The following CFAP299 variants were observed in gnomAD, a reference collection of about 807,000 sequenced individuals.
CFAP299 encodes the protein cilia- and flagella-associated protein 299.
Under a neutral mutation model 27.0 loss-of-function variants are expected in CFAP299, and 21 were observed. That is an observed-to-expected ratio of 0.78 (90% CI 0.55 to 1.12). CFAP299 has a LOEUF of 1.12. CFAP299 is among the 50% of genes most tolerant of loss of function. CFAP299 has a pLI of 0.00. For missense variants in CFAP299, 310 were observed against 276.6 expected (o/e 1.12, Z -0.86); for synonymous variants, 104 against 98.1 (o/e 1.06, Z -0.36).
At chr4:80,845,293 T>TTTTTTC (rs201846435) in intron 3 of CFAP299, among the ~76,000 whole-genome samples, 6 of 150,810 alleles carry the variant, frequency 4.0e-5, no homozygotes, top group African/African-American at 1.5e-4. Flanking sequence ...TTTTTTTTTT[T>TTTTTTC]AAAAGACCGT....
chr4:80,709,558 T>A (rs146571483), intron 3 of CFAP299, among the ~76,000 whole-genome samples: 1 of 152,302 alleles, frequency 6.6e-6, no homozygotes, highest in Non-Finnish European at 1.5e-5. Flanking sequence ...GGAGTTCAGA[T>A]GCTGGACAAT....
chr4:80,838,191 T>A (rs1338742515), intron 3 of CFAP299, among the ~76,000 whole-genome samples: 1 of 152,090 alleles, frequency 6.6e-6, no homozygotes, highest in Non-Finnish European at 1.5e-5. Context: ...GATTGCAAAA[T>A]TTTTCTCCCA....
intron 5 of CFAP299, among the ~76,000 whole-genome samples, chr4:80,962,219 G>T (rs890052390): frequency 6.6e-6 from 1 of 151,880 alleles, no homozygotes; most frequent in Non-Finnish European, 1.5e-5. Context: ...CTCTCATGCA[G>T]CTATAACATA....
chr4:80,767,315 A>G (rs549953067), intron 3 of CFAP299, among the ~76,000 whole-genome samples: 12 of 152,300 alleles, frequency 7.9e-5, no homozygotes, highest in Non-Finnish European at 1.6e-4. Flanking sequence ...TCTCCTCAAA[A>G]TACCTGGTAC....
the CFAP299 span, among the ~76,000 whole-genome samples, chr4:80,323,103 A>G: frequency 6.6e-6 from 1 of 152,244 alleles, no homozygotes; most frequent in African/African-American, 2.4e-5. Flanking sequence ...TAGACTGTAA[A>G]TGGAAGAATG....
At chr4:80,728,449 A>G (rs1224742524) in intron 3 of CFAP299, among the ~76,000 whole-genome samples, 1 of 152,086 alleles carries the variant, frequency 6.6e-6, no homozygotes, top group Non-Finnish European at 1.5e-5. Context: ...TTTACTTTTA[A>G]TTCTTTTTCC....
intron 3 of CFAP299, among the ~76,000 whole-genome samples, chr4:80,612,563 G>A (rs1738045694): frequency 6.6e-6 from 1 of 151,954 alleles, no homozygotes; most frequent in South Asian, 2.1e-4. Context: ...ATTATGTTTT[G>A]TGAAATCTCT....
chr4:80,572,976 G>A (rs1195893026), intron 2 of CFAP299, among the ~76,000 whole-genome samples: 1 of 152,012 alleles, frequency 6.6e-6, no homozygotes, highest in Non-Finnish European at 1.5e-5. Flanking sequence ...CTTCGTTTTG[G>A]GTATAGGCTT....
intron 3 of CFAP299, among the ~76,000 whole-genome samples, chr4:80,632,667 A>G (rs1376505914): frequency 2.0e-5 from 3 of 152,036 alleles, no homozygotes; most frequent in African/African-American, 7.2e-5. Context: ...ACTTGTACAT[A>G]TAATGAGAAG....
At chr4:80,617,035 A>T (rs961646402) in intron 3 of CFAP299, among the ~76,000 whole-genome samples, 3 of 152,176 alleles carry the variant, frequency 2.0e-5, no homozygotes, top group African/African-American at 7.2e-5. Flanking sequence ...TCCAACTCTT[A>T]AAACTATCTA....
intron 2 of CFAP299, among the ~76,000 whole-genome samples, chr4:80,576,190 A>T (rs370084459): frequency 6.0e-4 from 26 of 42,976 alleles, no homozygotes; most frequent in East Asian, 2.2e-3. Flanking sequence ...ATAATAATAA[A>T]AAAAAAAATA....
In CFAP299 at chr4:80,720,287, T is replaced by A. The variant is rs543072319; in HGVS notation, c.333+137104T>A. Among the ~76,000 whole-genome samples, 89 of 152,270 alleles carry A rather than the reference T, an allele frequency of 5.8e-4. 1 individual carries two copies. The highest frequency in any genetic ancestry group is 2.0e-3 in the African/African-American group (82 of 41,560). ...AATTATCTGAAAGAATGAGACAGAA[T>A]AATTGTTAAAGGCAACACAGGGTCA... On this transcript the variant is annotated intron_variant, in intron 3 of 5. Transcript: ENST00000358105.
chr4:80,452,070 G>A (rs1017284337), intron 2 of CFAP299, among the ~76,000 whole-genome samples: 2 of 152,192 alleles, frequency 1.3e-5, no homozygotes, highest in Non-Finnish European at 2.9e-5. Flanking sequence ...GAAGGCTACA[G>A]TAGATCTTCA....
chr4:80,684,311 C>CT (rs1308592635), intron 3 of CFAP299, among the ~76,000 whole-genome samples: 3 of 151,188 alleles, frequency 2.0e-5, no homozygotes, highest in African/African-American at 7.3e-5. Context: ...GTTGCCCAGG[C>CT]TGAGTGCAGT....
At chr4:80,766,326 C>T (rs1015681835) in intron 3 of CFAP299, among the ~76,000 whole-genome samples, 1 of 152,084 alleles carries the variant, frequency 6.6e-6, no homozygotes, top group African/African-American at 2.4e-5. Flanking sequence ...GTAAGCTAAA[C>T]TGTTGTTCAG....
chr4:80,600,457 T>C (rs1737275667), intron 3 of CFAP299, among the ~76,000 whole-genome samples: 1 of 152,144 alleles, frequency 6.6e-6, no homozygotes, highest in African/African-American at 2.4e-5. Context: ...TTAGGTCTGT[T>C]TTCTCTTTTG....
At chr4:80,584,956 A>G (rs1465825142) in intron 3 of CFAP299, among the ~76,000 whole-genome samples, 1 of 152,116 alleles carries the variant, frequency 6.6e-6, no homozygotes, top group Non-Finnish European at 1.5e-5. Flanking sequence ...GCAATGTGAC[A>G]GGTGCTATGG....
intron 3 of CFAP299, among the ~76,000 whole-genome samples, chr4:80,750,447 C>A (rs1404693277): frequency 6.6e-6 from 1 of 152,028 alleles, no homozygotes; most frequent in Non-Finnish European, 1.5e-5. Context: ...AATATATGAA[C>A]AAGAATCTTA....
At chr4:80,328,243 G>A in the CFAP299 span, among the ~76,000 whole-genome samples, 14 of 152,094 alleles carry the variant, frequency 9.2e-5, no homozygotes, top group African/African-American at 3.4e-4. Context: ...AAAACATGGG[G>A]TCAAAGGAGC....
Sources: allele counts gnomAD v4.1 joint callset (sites outside exome capture counted in the v4.1 genomes callset), GRCh38; gene constraint gnomAD v4.1.1; transcripts MANE v1.5; gene names NCBI Gene and HGNC (gene_info 2026-07-23, HGNC 2026-07-21).